YBX1: variants seen among roughly 807,000 people sequenced by gnomAD.
The protein encoded by YBX1 is Y-box binding protein 1.
Under a neutral mutation model 41.4 loss-of-function variants are expected in YBX1, and 3 were observed. The observed-to-expected ratio is 0.07, with a 90% CI of 0.03 to 0.19. The LOEUF (loss-of-function observed/expected upper bound fraction) is 0.19. Ranked by LOEUF, YBX1 falls within the 10% of genes least tolerant of loss-of-function variation. The pLI, the probability that YBX1 is intolerant of heterozygous loss-of-function variation, is 1.00. For synonymous variants in YBX1, 133 were observed against 165.8 expected, an observed-to-expected ratio of 0.80 and a Z score of 1.52; for missense variants, 274 against 462.8, an observed-to-expected ratio of 0.59 and a Z score of 3.74.
rs749577960 is a variant in YBX1, at chr1:42,683,338, G to A, written c.167-65G>A. The A allele has an allele frequency of 5.6e-6, 9 of 1,601,820 alleles. No homozygotes were observed. The South Asian group carries it at 8.8e-5, about 16-fold the overall frequency. On this transcript the variant is annotated intron_variant, in intron 1 of 7. Coordinates refer to ENST00000321358, the MANE Select transcript of YBX1 (RefSeq NM_004559.5). ...GGCGTGCGAGGGACCGGATGCCCAA[G>A]CCGGGCGGATTTGGAAAAGGATAGC...
At position 42,683,921 on chromosome 1, in the gene YBX1, T is replaced by C. The variant is rs142563660; in HGVS notation, c.230+455T>C. 1.1e-3 allele frequency among the ~76,000 whole-genome samples: 163 copies of C among 152,354 alleles called. 1 individual carries two copies. The highest frequency in any genetic ancestry group is 3.7e-3 in the African/African-American group (154 of 41,582). On this transcript the variant is annotated intron_variant, in intron 2 of 7. Coordinates refer to ENST00000321358, the MANE Select transcript of YBX1 (RefSeq NM_004559.5). The stretch of plus-strand genomic sequence containing the variant: ...TGACTATATGAGGTTTTGTCATCTT[T>C]ACCGAGAGGTTGTATTGCCTTTGTT...
At chr1:42,699,364 T>A (rs1650539520) in intron 6 of YBX1, among the ~76,000 whole-genome samples, 1 of 152,088 alleles carries the variant, frequency 6.6e-6, no homozygotes, top group Non-Finnish European at 1.5e-5. Flanking sequence ...GATGGTAAAT[T>A]TATAAGTAAT....
At position 42,700,621 on chromosome 1, in the gene YBX1, C is replaced by CA. The variant is rs1314082986; in HGVS notation, c.741-149dup. 1.0e-3 allele frequency among the ~76,000 whole-genome samples: 108 copies of CA among 102,966 alleles called. 1 individual carries two copies. The highest frequency in any genetic ancestry group is 7.1e-3 in the East Asian group (22 of 3,100). 67.5% of individuals were successfully genotyped at this position (102,966 alleles called of 152,430 possible). On this transcript the variant is annotated intron_variant, in intron 6 of 7. Transcript: ENST00000321358. ...CCCCTACTCAGCATCCCCCCCCCCCCAAAAAAAAAAACCCATCTCTTTACA... is the reference window on the plus strand; with the variant it reads ...CCCCTACTCAGCATCCCCCCCCCCCCAAAAAAAAAAAACCCATCTCTTTACA...
chr1:42,697,043 CA>C (rs1650478568), intron 5 of YBX1, 99 bp downstream of exon 5: 1 of 1,449,866 alleles, frequency 6.9e-7, no homozygotes, highest in East Asian at 2.4e-5. Context: ...TAGTAAGAAC[CA>C]AAAGGATTAA....
intron 2 of YBX1, among the ~76,000 whole-genome samples, chr1:42,693,272 CTT>C (rs144349068): frequency 5.6e-4 from 80 of 144,030 alleles, no homozygotes; most frequent in South Asian, 1.8e-3. Context: ...ATTTCTTAGA[CTT>C]TTTTTTTTTT....
At chr1:42,691,585 A>G (rs1650331004) in intron 2 of YBX1, among the ~76,000 whole-genome samples, 1 of 152,234 alleles carries the variant, frequency 6.6e-6, no homozygotes, top group Non-Finnish European at 1.5e-5. Flanking sequence ...ATTAGAAGGC[A>G]TAACAAACAG....
At chr1:42,697,329 A>C in intron 6 of YBX1, 67 bp downstream of exon 6, 18 of 1,482,036 alleles carry the variant, frequency 1.2e-5, no homozygotes, top group Non-Finnish European at 1.6e-5. Flanking sequence ...CAGCAATATC[A>C]TGCCTCTCCT....
rs1650459203 is a variant in YBX1 at position 42,696,426 on chromosome 1, C to T, written c.354+138C>T. On this transcript the variant is annotated intron_variant, in intron 4 of 7. Transcript: ENST00000321358. The surrounding 1 kb of genome is among the most constrained non-coding windows in gnomAD (Gnocchi z 5.7). ...ACACAGGTGCATCAAGCCTAATGTT[C>T]TGGCTGCAGTTAGAGGGCAATCTCT... The T allele has an allele frequency of 1.2e-5, 12 of 1,007,584 alleles. No individual in the cohort carries two copies. Among genetic ancestry groups the T allele is most frequent in the South Asian group, 1.7e-5 (1 of 58,082 alleles). The allele number at this position is 1,007,584 out of a possible 1,614,324, so 62.4% of individuals were successfully genotyped here.
Position 42,703,435 on chromosome 1 carries a change from G to A in YBX1, c.*1486G>A, listed in dbSNP as rs559206670. ...TGCTGTGGAAGTCATCTCCTGCTTG[G>A]GACTAACTCTTTGCAGAGGACTTGA... On this transcript the variant is annotated 3_prime_UTR_variant, in exon 8 of 8. Transcript: ENST00000321358. Among the ~76,000 whole-genome samples, 2 of 151,710 alleles carry A rather than the reference G, an allele frequency of 1.3e-5. No homozygotes were observed. Among genetic ancestry groups the A allele is most frequent in the African/African-American group, 4.8e-5 (2 of 41,346 alleles).
intron 6 of YBX1, among the ~76,000 whole-genome samples, chr1:42,699,277 G>C (rs553997659): frequency 3.3e-5 from 5 of 152,272 alleles, no homozygotes; most frequent in Admixed American, 1.3e-4. Context: ...GGAAGCCTTT[G>C]GTTGCTAAAT....
chr1:42,696,099 T>C lies in YBX1; in HGVS notation c.265-100T>C. On this transcript the variant is annotated intron_variant, in intron 3 of 7. Coordinates refer to ENST00000321358, the MANE Select transcript of YBX1 (RefSeq NM_004559.5). The surrounding 1 kb of genome is among the most constrained non-coding windows in gnomAD (Gnocchi z 5.7). ...GGTCTTATTTAAAGCAAATCTTAAG[T>C]GTATATCCAAGCTAAAATAATATTG... The C allele has an allele frequency of 9.6e-7, 1 of 1,038,350 alleles. No homozygotes were observed. 64.3% of individuals were successfully genotyped at this position (1,038,350 alleles called of 1,614,324 possible).
intron 7 of YBX1, 67 bp downstream of exon 7, chr1:42,701,113 G>C (rs1245213975): frequency 8.3e-7 from 1 of 1,202,806 alleles, no homozygotes; most frequent in Non-Finnish European, 1.2e-6. Flanking sequence ...TTTTATTAAT[G>C]CAAGAGTAGA....
intron 5 of YBX1, 23 bp from the exon 6 acceptor site, chr1:42,697,157 T>G (rs1334274403): frequency 6.2e-7 from 1 of 1,608,588 alleles, no homozygotes; most frequent in Admixed American, 1.7e-5. Context: ...CCCAGTAGGC[T>G]TAATTTCCAT....
intron 1 of YBX1, chr1:42,683,070 G>C (rs1329891146): frequency 6.1e-6 from 3 of 488,430 alleles, no homozygotes; most frequent in Non-Finnish European, 1.2e-5. Flanking sequence ...CCCCCACCCA[G>C]CTCCCTTCCG....
At chr1:42,695,515 T>G (rs1430872782) in intron 3 of YBX1, among the ~76,000 whole-genome samples, 2 of 152,176 alleles carry the variant, frequency 1.3e-5, no homozygotes, top group Non-Finnish European at 2.9e-5. Context: ...GCAAAAAAAT[T>G]TCATAGAAAC....
chr1:42,684,296 C>T (rs1008651369), intron 2 of YBX1, among the ~76,000 whole-genome samples: 1 of 152,232 alleles, frequency 6.6e-6, no homozygotes, highest in African/African-American at 2.4e-5. Context: ...ATTCCATGGG[C>T]TCCCTTGTAA....
At chr1:42,686,792 C>CGTA (rs1650207652) in intron 2 of YBX1, among the ~76,000 whole-genome samples, 1 of 152,162 alleles carries the variant, frequency 6.6e-6, no homozygotes, top group South Asian at 2.1e-4. Context: ...ACCTTTGAGG[C>CGTA]GTAGGTACTG....
chr1:42,688,731 T>C (rs1248631118), intron 2 of YBX1, among the ~76,000 whole-genome samples: 1 of 152,212 alleles, frequency 6.6e-6, no homozygotes. Context: ...AGAAAAGTCA[T>C]GGCATTGTAA....
At chr1:42,689,749 C>G (rs1189018969) in intron 2 of YBX1, among the ~76,000 whole-genome samples, 1 of 152,112 alleles carries the variant, frequency 6.6e-6, no homozygotes, top group Non-Finnish European at 1.5e-5. Context: ...TTTTGACTTA[C>G]TAAAAAGTTT....
Sources: gnomAD v4.1 joint callset for allele counts (sites outside exome capture counted in the v4.1 genomes callset) on GRCh38, gnomAD v4.1.1 for gene constraint, Gnocchi (gnomAD v3.1) non-coding constraint, MANE v1.5 for transcripts, NCBI Gene and HGNC (gene_info 2026-07-23, HGNC 2026-07-21) for gene names.